The following WRN variants were observed in gnomAD, a reference collection of about 807,000 sequenced individuals.
WRN encodes the protein bifunctional 3'-5' exonuclease/ATP-dependent helicase WRN.
In WRN, 149 loss-of-function variants were observed where a neutral mutation model predicts 180.7. The ratio of observed to expected loss-of-function variants is 0.82; its 90% CI spans 0.72 to 0.94. The LOEUF (loss-of-function observed/expected upper bound fraction) is 0.94, where lower values mean the gene tolerates loss of function less well. WRN is among the 40% of genes least tolerant of loss of function. The probability of loss-of-function intolerance (pLI) is 0.00; values close to 1 mark genes in which losing one functional copy is unlikely to be tolerated. For synonymous variants in WRN, 548 were observed against 568.9 expected (o/e 0.96, Z 0.52); for missense variants, 1,661 against 1,700.1 (o/e 0.98, Z 0.40).
intron 24 of WRN, among the ~76,000 whole-genome samples, chr8:31,139,999 C>CTTTTTTTTTTTTT (rs1563375284): frequency 1.3e-5 from 1 of 74,704 alleles, no homozygotes; most frequent in African/African-American, 5.3e-5. Context: ...TTGTATACTT[C>CTTTTTTTTTTTTT]TTTGTTTTTT....
intron 1 of WRN, among the ~76,000 whole-genome samples, chr8:31,035,825 C>T (rs1811433676): frequency 6.6e-6 from 1 of 152,092 alleles, no homozygotes; most frequent in Non-Finnish European, 1.5e-5. Flanking sequence ...AGTTGTACAA[C>T]CTTTATCACA....
At chr8:31,140,880 C>T (rs919473881) in intron 24 of WRN, among the ~76,000 whole-genome samples, 2 of 152,006 alleles carry the variant, frequency 1.3e-5, no homozygotes, top group Non-Finnish European at 2.9e-5. Flanking sequence ...CTCAGCCTCC[C>T]GAGCAGCTGG....
intron 23 of WRN, 69 bp downstream of exon 23, chr8:31,125,069 A>C (rs950243082): frequency 6.9e-7 from 1 of 1,455,528 alleles, no homozygotes; most frequent in Non-Finnish European, 9.6e-7. Context: ...TGTTTAACTG[A>C]ATTTTTGTTG....
chr8:31,158,505 A>G (rs1028215308), intron 33 of WRN, among the ~76,000 whole-genome samples: 4 of 152,084 alleles, frequency 2.6e-5, no homozygotes, highest in African/African-American at 9.7e-5. Context: ...TAAATCTGAT[A>G]AATTTCTTTT....
At chr8:31,132,967 T>G (rs368327462) in intron 24 of WRN, among the ~76,000 whole-genome samples, 148 of 152,366 alleles carry the variant, frequency 9.7e-4, no homozygotes, top group African/African-American at 3.4e-3. Context: ...TATTTATTTT[T>G]CCTTCTGTTT....
At chr8:31,122,860 G>GTTTTTTTTTTTTTTT (rs71206298) in intron 21 of WRN, among the ~76,000 whole-genome samples, 25 of 69,480 alleles carry the variant, frequency 3.6e-4, no homozygotes, top group South Asian at 7.0e-4. Context: ...TTCTTTTCTT[G>GTTTTTTTTTTTTTTT]TTTTTTTTTT....
intron 33 of WRN, among the ~76,000 whole-genome samples, chr8:31,159,894 G>A (rs1362554868): frequency 6.9e-6 from 1 of 144,798 alleles, no homozygotes; most frequent in Non-Finnish European, 1.5e-5. Context: ...GCAGTGAGCC[G>A]AGATCATGCC....
At chr8:31,117,583 A>C (rs1368090084) in intron 20 of WRN, among the ~76,000 whole-genome samples, 1 of 152,068 alleles carries the variant, frequency 6.6e-6, no homozygotes. Context: ...GTCAACATGA[A>C]ATCCACACTG....
Position 31,173,649 on chromosome 8 carries a change from T to TA in WRN, c.*553dup, listed in dbSNP as rs777731812. 22 of 168,914 alleles carry TA rather than the reference T, an allele frequency of 1.3e-4. No homozygotes were observed. The highest frequency in any genetic ancestry group is 2.4e-4 in the Non-Finnish European group (19 of 78,186). 10.5% of individuals were successfully genotyped at this position (168,914 alleles called of 1,614,324 possible). A position where few individuals can be genotyped will look rare whatever the true frequency, so the allele number is the denominator to read the frequency against. On this transcript the variant is annotated 3_prime_UTR_variant, in exon 35 of 35. Transcript: ENST00000298139. ...TGCCATTAAATAGGGAAAAAACATGTAAAAAATGTAAAATGGAGACCAATT... is the reference window on the plus strand; with the variant it reads ...TGCCATTAAATAGGGAAAAAACATGTAAAAAAATGTAAAATGGAGACCAATT...
At chr8:31,076,024 T>G in intron 7 of WRN, 149 bp from the exon 8 acceptor site, 2 of 680,756 alleles carry the variant, frequency 2.9e-6, no homozygotes, top group Non-Finnish European at 2.6e-6. Context: ...ATTGAGGCAA[T>G]TTGGGGATTG....
At chr8:31,158,458 A>C (rs566099510) in intron 33 of WRN, among the ~76,000 whole-genome samples, 2 of 152,154 alleles carry the variant, frequency 1.3e-5, no homozygotes, top group Admixed American at 1.3e-4. Context: ...TTTCTCTCCT[A>C]GATGTGTAAA....
At chr8:31,159,068 A>C (rs571605639) in intron 33 of WRN, among the ~76,000 whole-genome samples, 1 of 152,028 alleles carries the variant, frequency 6.6e-6, no homozygotes, top group African/African-American at 2.4e-5. Context: ...GGAGACCTAG[A>C]TGGAAGGATT....
intron 7 of WRN, among the ~76,000 whole-genome samples, chr8:31,068,803 A>G (rs966128733): frequency 6.6e-6 from 1 of 152,154 alleles, no homozygotes; most frequent in Non-Finnish European, 1.5e-5. Flanking sequence ...TAACATACTG[A>G]TTTACATTTC....
rs1261150686 is a variant in WRN, at chr8:31,175,289, G to A, written c.*2187G>A. On this transcript the variant is annotated 3_prime_UTR_variant, in exon 35 of 35. Transcript: ENST00000298139. ...GTCTCTACTAAAAATACAAAAATTA[G>A]CTGGGTGTGTTGGTGCGTGCCTATA... 6.6e-6 allele frequency among the ~76,000 whole-genome samples: 1 copy of A among 152,088 alleles called. No homozygotes were observed. The highest frequency in any genetic ancestry group is 1.9e-4 in the East Asian group (1 of 5,176).
intron 24 of WRN, 45 bp downstream of exon 24, chr8:31,132,551 T>G: frequency 6.2e-7 from 1 of 1,612,916 alleles, no homozygotes; most frequent in Non-Finnish European, 8.5e-7. Context: ...TTCTTTTACT[T>G]CTATTACACT....
intron 1 of WRN, among the ~76,000 whole-genome samples, chr8:31,057,744 G>GT (rs897203425): frequency 1.3e-3 from 189 of 144,430 alleles, no homozygotes; most frequent in South Asian, 5.7e-3. Flanking sequence ...AATATGTTCT[G>GT]TTTTTTTTTT....
At chr8:31,038,611 A>G (rs34214549) in intron 1 of WRN, among the ~76,000 whole-genome samples, 25,688 of 152,040 alleles carry the variant, frequency 0.17, 2,352 homozygotes, top group African/African-American at 0.25. Context: ...TGCTTTTGGC[A>G]TCATACCTAA....
chr8:31,096,892 A>G (rs1285773273), intron 17 of WRN, 42 bp downstream of exon 17: 1 of 1,554,568 alleles, frequency 6.4e-7, no homozygotes, highest in Admixed American at 1.7e-5. Context: ...TTACTGAGTT[A>G]ATATTTAAAG....
intron 16 of WRN, among the ~76,000 whole-genome samples, chr8:31,096,199 A>G (rs1404931293): frequency 6.6e-6 from 1 of 152,200 alleles, no homozygotes; most frequent in East Asian, 1.9e-4. Context: ...CGCACAATAG[A>G]CACTTAAACT....
Sources: gnomAD v4.1 joint callset for allele counts (sites outside exome capture counted in the v4.1 genomes callset) on GRCh38, gnomAD v4.1.1 for gene constraint, MANE v1.5 for transcripts, NCBI Gene and HGNC (gene_info 2026-07-23, HGNC 2026-07-21) for gene names.